Variants in FCHSD2 observed in about 807,000 individuals in gnomAD.
FCHSD2 encodes FCH and double SH3 domains 2, also known as F-BAR and double SH3 domains protein 2.
FCHSD2 carries 38 observed loss-of-function variants against 108.1 expected under a neutral mutation model. That is an observed-to-expected ratio of 0.35 (90% CI 0.27 to 0.46). FCHSD2 has a LOEUF of 0.46. FCHSD2 is among the 20% of genes least tolerant of loss of function. FCHSD2 has a pLI of 1.00. For missense variants in FCHSD2, 751 were observed against 897.8 expected (o/e 0.84, Z 2.09); for synonymous variants, 279 against 314.7 (o/e 0.89, Z 1.20).
intron 8 of FCHSD2, among the ~76,000 whole-genome samples, chr11:72,967,403 T>C (rs1386283867): frequency 2.6e-5 from 4 of 152,092 alleles, no homozygotes; most frequent in African/African-American, 9.7e-5. Flanking sequence ...GGTATATCCA[T>C]ATCAATATGA....
At chr11:73,105,220 T>A (rs1860314835) in intron 2 of FCHSD2, among the ~76,000 whole-genome samples, 1 of 152,150 alleles carries the variant, frequency 6.6e-6, no homozygotes, top group Non-Finnish European at 1.5e-5. Flanking sequence ...AAGAACCTAG[T>A]ATCAATTTCA....
intron 8 of FCHSD2, among the ~76,000 whole-genome samples, chr11:72,972,726 C>A (rs2135386128): frequency 6.6e-6 from 1 of 152,296 alleles, no homozygotes; most frequent in African/African-American, 2.4e-5. Context: ...GAATCTATTA[C>A]CCCATATTCC....
intron 3 of FCHSD2, among the ~76,000 whole-genome samples, chr11:73,055,532 A>C (rs1859005828): frequency 6.6e-6 from 1 of 152,202 alleles, no homozygotes; most frequent in South Asian, 2.1e-4. Context: ...AGCTAATGAT[A>C]GCAGAAAGTC....
intron 6 of FCHSD2, among the ~76,000 whole-genome samples, chr11:72,988,386 C>T (rs529372004): frequency 0.014 from 2,059 of 152,142 alleles, 49 homozygotes; most frequent in African/African-American, 0.045. Flanking sequence ...CCTACTTATT[C>T]TTAAAAAAAG....
At chr11:73,013,200 C>A (rs77715619) in intron 4 of FCHSD2, among the ~76,000 whole-genome samples, 2,870 of 152,302 alleles carry the variant, frequency 0.019, 49 homozygotes, top group African/African-American at 0.048. Flanking sequence ...TAACCTCTAA[C>A]CCACATACTT....
chr11:73,065,955 T>TCC (rs1281465208), intron 3 of FCHSD2, among the ~76,000 whole-genome samples: 4 of 152,018 alleles, frequency 2.6e-5, no homozygotes, highest in Admixed American at 6.6e-5. Context: ...TTCAATGCTA[T>TCC]CCCCATCAAG....
At chr11:72,911,889 T>C (rs749038308) in intron 9 of FCHSD2, among the ~76,000 whole-genome samples, 7 of 152,190 alleles carry the variant, frequency 4.6e-5, no homozygotes, top group Non-Finnish European at 1.0e-4. Flanking sequence ...TTAATTCCTA[T>C]GTATTTTAAT....
chr11:73,080,467 A>G lies in FCHSD2; in HGVS notation c.165+3228T>C, dbSNP rs79836775. On this transcript the variant is annotated intron_variant, in intron 3 of 19. Transcript: ENST00000409418. ...TATGTGCATATATGTATTTAACAAAAAAAAGACCAAGTTTAAATATATCAT... is the reference window on the plus strand; with the variant it reads ...TATGTGCATATATGTATTTAACAAAGAAAAGACCAAGTTTAAATATATCAT... Among the ~76,000 whole-genome samples the G allele has an allele frequency of 3.1e-3, 465 of 152,264 alleles. 5 individuals are homozygous for G. Among genetic ancestry groups the G allele is most frequent in the African/African-American group, 0.01 (436 of 41,544 alleles).
chr11:72,868,690 A>AAAACAAAC (rs150087439), intron 12 of FCHSD2, among the ~76,000 whole-genome samples: 73 of 150,878 alleles, frequency 4.8e-4, no homozygotes, highest in African/African-American at 1.6e-3. Flanking sequence ...GACTCTGTTA[A>AAAACAAAC]AAACAAACAA....
intron 2 of FCHSD2, among the ~76,000 whole-genome samples, chr11:73,086,782 T>TGAAAACAGCAAATTAGATGAAAACAGC (rs1859827011): frequency 6.6e-6 from 1 of 152,124 alleles, no homozygotes; most frequent in East Asian, 1.9e-4. Flanking sequence ...GCAAATTAGA[T>TGAAAACAGCAAATTAGATGAAAACAGC]AAATTAAATG....
chr11:73,008,416 T>C (rs573518433), intron 4 of FCHSD2, among the ~76,000 whole-genome samples: 2 of 152,188 alleles, frequency 1.3e-5, no homozygotes, highest in East Asian at 3.9e-4. Flanking sequence ...AAGAATGGTG[T>C]TTTAATAAAT....
chr11:72,962,703 T>TA (rs1856839914), intron 8 of FCHSD2, among the ~76,000 whole-genome samples: 1 of 151,178 alleles, frequency 6.6e-6, no homozygotes, highest in Non-Finnish European at 1.5e-5. Context: ...GTTAAACAAA[T>TA]AGCTTTGTAA....
rs201269620 is a variant in FCHSD2, at chr11:72,841,455, G to A, written c.2055C>T (p.Asn685=). Residue 685 remains asparagine, a splice_region_variant and synonymous_variant, in exon 18 of 20, where the codon AAC becomes AAT. Transcript: ENST00000409418. ...ACCCATGCCCAGGAGAACCCTTACC[G>A]TTTGCTGAAGGAGACCGGGGAAAGT... is the stretch of plus-strand genomic sequence containing the variant. ...SLYFPRSPSA[N]EKSLHAESPG... is the part of the protein sequence containing the mutation. The A allele has an allele frequency of 3.0e-5, 49 of 1,609,338 alleles. No homozygotes were observed. The East Asian group carries it at 3.8e-4, about 12-fold the overall frequency.
chr11:72,868,407 T>C (rs1854777543), intron 12 of FCHSD2, among the ~76,000 whole-genome samples: 1 of 152,130 alleles, frequency 6.6e-6, no homozygotes, highest in Non-Finnish European at 1.5e-5. Flanking sequence ...GGAGCTGGGC[T>C]TAATAGCTAG....
intron 3 of FCHSD2, among the ~76,000 whole-genome samples, chr11:73,069,565 G>A (rs1014389492): frequency 2.0e-5 from 3 of 151,928 alleles, no homozygotes; most frequent in African/African-American, 7.2e-5. Flanking sequence ...ATAGACAATT[G>A]GTGAGTTGGA....
intron 8 of FCHSD2, among the ~76,000 whole-genome samples, chr11:72,945,512 CCAAAAG>C (rs1856502203): frequency 6.6e-6 from 1 of 152,146 alleles, no homozygotes; most frequent in African/African-American, 2.4e-5. Flanking sequence ...GTCTAAAACA[CCAAAAG>C]CAATGGCAAC....
At chr11:72,983,672 C>G (rs1221005466) in intron 8 of FCHSD2, 1 of 224,828 alleles carries the variant, frequency 4.4e-6, no homozygotes, top group African/African-American at 2.3e-5. Flanking sequence ...AAATGTCTTT[C>G]TCCGATGATT....
At chr11:72,888,782 G>A (rs1288708633) in intron 11 of FCHSD2, among the ~76,000 whole-genome samples, 3 of 151,756 alleles carry the variant, frequency 2.0e-5, no homozygotes, top group African/African-American at 2.4e-5. Context: ...CCCCATGCCC[G>A]ACTAATTTTT....
Position 73,014,998 on chromosome 11 carries a change from C to A in FCHSD2, c.242+811G>T, listed in dbSNP as rs547134476. 2.6e-5 allele frequency among the ~76,000 whole-genome samples: 4 copies of A among 152,238 alleles called. No homozygotes were observed. In the South Asian group the frequency reaches 8.3e-4, roughly 32 times the overall value. On this transcript the variant is annotated intron_variant, in intron 4 of 19. Coordinates refer to ENST00000409418, the MANE Select transcript of FCHSD2 (RefSeq NM_014824.3). The stretch of plus-strand genomic sequence containing the variant: ...AGCTGCGATTACAGGTGCCCGCCAC[C>A]ACACCTGGCTAATTTTTATATTTTT...
Sources: allele counts gnomAD v4.1 joint callset (sites outside exome capture counted in the v4.1 genomes callset), GRCh38; gene constraint gnomAD v4.1.1; transcripts MANE v1.5; gene names NCBI Gene and HGNC (gene_info 2026-07-23, HGNC 2026-07-21).